The following MAPK10 variants were observed in gnomAD, a reference collection of about 807,000 sequenced individuals.
MAPK10 encodes mitogen-activated protein kinase 10.
Under a neutral mutation model 59.3 loss-of-function variants are expected in MAPK10, and 25 were observed. The ratio of observed to expected loss-of-function variants is 0.42; its 90% CI spans 0.31 to 0.59. The LOEUF (loss-of-function observed/expected upper bound fraction) is 0.59, where lower values mean the gene tolerates loss of function less well. MAPK10 is among the 20% of genes least tolerant of loss of function. The pLI, the probability that MAPK10 is intolerant of heterozygous loss-of-function variation, is 0.15. For missense variants in MAPK10, 351 were observed against 568.9 expected (o/e 0.62, Z 3.90); for synonymous variants, 190 against 200.5 (o/e 0.95, Z 0.44).
In MAPK10 at chr4:86,414,198, C is replaced by A. The variant is rs367706206; in HGVS notation, c.-122+38832G>T. On this transcript the variant is annotated intron_variant, in intron 1 of 13. Coordinates refer to the MAPK10 transcript ENST00000361569. Reference sequence around the variant, plus strand: ...CCCCTCATCCATGATATCCTAACAACCATTCTACCCCTCATCCATGATATC... The same window carrying A: ...CCCCTCATCCATGATATCCTAACAAACATTCTACCCCTCATCCATGATATC... Among the ~76,000 whole-genome samples, 12 of 152,092 alleles carry A rather than the reference C, an allele frequency of 7.9e-5. No homozygotes were observed. In the East Asian group the frequency reaches 2.1e-3, roughly 27 times the overall value.
At chr4:86,235,181 T>A in intron 2 of MAPK10, among the ~76,000 whole-genome samples, 1 of 152,160 alleles carries the variant, frequency 6.6e-6, no homozygotes, top group Non-Finnish European at 1.5e-5. Flanking sequence ...TATCTCCTCA[T>A]TTTCCAAATG....
chr4:86,067,894 C>T lies in MAPK10; in HGVS notation c.864G>A (p.Lys288=), dbSNP rs1432476292. 1.2e-6 allele frequency: 2 copies of T among 1,613,866 alleles called. No individual in the cohort carries two copies. Among genetic ancestry groups the T allele is most frequent in the African/African-American group, 1.3e-5 (1 of 74,902 alleles). The part of the protein sequence containing the change: ...QLGTPCPEFM[K]KLQPTVRNYV... ...AGTTTCTTACTGTGGGTTGCAATTT[C>T]TTCATGAATTCTGGACATGGTGTTC... is the stretch of plus-strand genomic sequence containing the variant. The change falls in exon 10 of 14, where the codon AAG becomes AAA. Residue 288 remains lysine (K), a synonymous_variant. Transcript: ENST00000641462.
At chr4:86,571,334 G>T (rs1267811803) in intron 1 of MAPK10, among the ~76,000 whole-genome samples, 1 of 145,860 alleles carries the variant, frequency 6.9e-6, no homozygotes, top group East Asian at 2.0e-4. Flanking sequence ...ATACGTGTGT[G>T]TGTGTGTGTG....
At position 86,288,523 on chromosome 4, in the gene MAPK10, T is replaced by C. The variant is rs371377751; in HGVS notation, c.-7+66007A>G. On this transcript the variant is annotated intron_variant, in intron 2 of 13. Transcript: ENST00000641462. ...CTGTATTGTATCCAGGACAAGGTAG[T>C]TGATGATCATGATGCCCAGTATCTC... 1.3e-4 allele frequency among the ~76,000 whole-genome samples: 20 copies of C among 152,180 alleles called. No homozygotes were observed. The East Asian group carries it at 3.5e-3, about 26-fold the overall frequency.
chr4:86,208,227 T>C (rs2084721030), intron 2 of MAPK10, among the ~76,000 whole-genome samples: 1 of 151,830 alleles, frequency 6.6e-6, no homozygotes, highest in Non-Finnish European at 1.5e-5. Flanking sequence ...GAATCCTCCC[T>C]AACTCATTTT....
chr4:86,237,823 T>C (rs978146006), intron 2 of MAPK10, among the ~76,000 whole-genome samples: 8 of 152,224 alleles, frequency 5.3e-5, no homozygotes, highest in African/African-American at 1.9e-4. Context: ...TAGTTTATCT[T>C]GCTGTGCAGA....
intron 1 of MAPK10, among the ~76,000 whole-genome samples, chr4:86,477,744 T>G (rs1753227427): frequency 6.6e-6 from 1 of 152,304 alleles, no homozygotes; most frequent in East Asian, 1.9e-4. Flanking sequence ...TCAACCAAAT[T>G]GTTTTGCCTA....
At chr4:86,501,082 C>T (rs934576169) in intron 1 of MAPK10, among the ~76,000 whole-genome samples, 2 of 116,308 alleles carry the variant, frequency 1.7e-5, no homozygotes, top group Admixed American at 2.2e-4. Flanking sequence ...ATGAAGATTT[C>T]ATTTGCAATG....
chr4:86,194,224 T>A (rs1006802476), intron 3 of MAPK10, 112 bp downstream of exon 3: 2 of 823,980 alleles, frequency 2.4e-6, no homozygotes, highest in Non-Finnish European at 4.0e-6. Context: ...TCTAAACTAC[T>A]GTTAATATGA....
chr4:86,182,525 G>C (rs1407775934), intron 3 of MAPK10, among the ~76,000 whole-genome samples: 1 of 152,032 alleles, frequency 6.6e-6, no homozygotes, highest in African/African-American at 2.4e-5. Flanking sequence ...GTTGAGAGTA[G>C]CCTTAGCCAA....
At chr4:86,518,005 G>GT (rs1199979912) in intron 1 of MAPK10, among the ~76,000 whole-genome samples, 2 of 151,922 alleles carry the variant, frequency 1.3e-5, no homozygotes, top group Admixed American at 6.6e-5. Context: ...TTTTTTGTTT[G>GT]TTTTTTGGTT....
chr4:86,481,279 G>A (rs992137695), intron 1 of MAPK10, among the ~76,000 whole-genome samples: 2 of 152,112 alleles, frequency 1.3e-5, no homozygotes, highest in African/African-American at 2.4e-5. Context: ...AGGAGGGCAG[G>A]AGAAAATCAG....
intron 2 of MAPK10, among the ~76,000 whole-genome samples, chr4:86,249,499 G>A (rs1261912171): frequency 6.6e-6 from 1 of 152,140 alleles, no homozygotes; most frequent in Non-Finnish European, 1.5e-5. Context: ...CACTTGGGTA[G>A]AACTATGTCA....
intron 2 of MAPK10, among the ~76,000 whole-genome samples, chr4:86,276,738 A>G (rs2094589994): frequency 6.6e-6 from 1 of 152,132 alleles, no homozygotes; most frequent in African/African-American, 2.4e-5. Context: ...TCCTCATAAC[A>G]ATGCTGAGTG....
intron 2 of MAPK10, among the ~76,000 whole-genome samples, chr4:86,331,614 C>G (rs1248116747): frequency 6.6e-6 from 1 of 152,164 alleles, no homozygotes; most frequent in Non-Finnish European, 1.5e-5. Context: ...CCTTCTCTCT[C>G]AAAGTCAGTC....
intron 3 of MAPK10, 41 bp from the exon 4 acceptor site, chr4:86,159,508 C>T: frequency 1.3e-6 from 2 of 1,548,906 alleles, no homozygotes; most frequent in Non-Finnish European, 1.8e-6. Flanking sequence ...GGCAAGTGAA[C>T]AGGCAGAATG....
At chr4:86,317,295 C>T (rs1008833145) in intron 2 of MAPK10, among the ~76,000 whole-genome samples, 1 of 152,178 alleles carries the variant, frequency 6.6e-6, no homozygotes, top group African/African-American at 2.4e-5. Context: ...TCCCATGCAT[C>T]TGAGGTTCCT....
chr4:86,221,007 C>T (rs907681353), intron 2 of MAPK10, among the ~76,000 whole-genome samples: 3 of 149,198 alleles, frequency 2.0e-5, no homozygotes, highest in Admixed American at 2.0e-4. Flanking sequence ...TTGGTACGTT[C>T]TCCCTTTTCC....
At chr4:86,516,528 T>C (rs1756677125) in intron 1 of MAPK10, among the ~76,000 whole-genome samples, 1 of 152,212 alleles carries the variant, frequency 6.6e-6, no homozygotes, top group Non-Finnish European at 1.5e-5. Context: ...GGAATGTGTT[T>C]CCATTTGTTT....
Sources: gnomAD v4.1 joint callset for allele counts (sites outside exome capture counted in the v4.1 genomes callset) on GRCh38, gnomAD v4.1.1 for gene constraint, MANE v1.5 for transcripts, NCBI Gene and HGNC (gene_info 2026-07-23, HGNC 2026-07-21) for gene names.